The following PRKAG2 variants were observed in gnomAD, a reference collection of about 807,000 sequenced individuals.
PRKAG2 encodes 5'-AMP-activated protein kinase subunit gamma-2.
In PRKAG2, 26 loss-of-function variants were observed where a neutral mutation model predicts 69.6. That is an observed-to-expected ratio of 0.37 (90% CI 0.27 to 0.52). The LOEUF (loss-of-function observed/expected upper bound fraction) is 0.52, where lower values mean the gene tolerates loss of function less well. Among genes scored for constraint, PRKAG2 ranks in the 20% least tolerant of loss-of-function variants. PRKAG2 has a pLI of 0.90. For missense variants in PRKAG2, 557 were observed against 740.0 expected (o/e 0.75, Z 2.87); for synonymous variants, 293 against 285.0 (o/e 1.03, Z -0.28).
intron 3 of PRKAG2, among the ~76,000 whole-genome samples, chr7:151,774,080 G>A (rs2076216533): frequency 6.6e-6 from 1 of 152,150 alleles, no homozygotes; most frequent in African/African-American, 2.4e-5. Context: ...ACGGAAAAGT[G>A]GGGCATTGTT....
In PRKAG2 at chr7:151,576,353, C is replaced by T; in HGVS notation, c.946+18G>A. 1 of 1,569,156 alleles carries T rather than the reference C, an allele frequency of 6.4e-7. No homozygotes were observed. The highest frequency in any genetic ancestry group is 1.4e-5 in the African/African-American group (1 of 74,036). On this transcript the variant is annotated intron_variant, in intron 7 of 15. Transcript: ENST00000287878. ...CAAGGTTTCCATTTTCGATTTTCCT[C>T]AGGCCCACACTGCTTACCTACAAAA...
intron 3 of PRKAG2, among the ~76,000 whole-genome samples, chr7:151,682,857 G>C (rs1834090391): frequency 6.6e-6 from 1 of 152,188 alleles, no homozygotes; most frequent in South Asian, 2.1e-4. Context: ...CCCCAGGAAA[G>C]AGCTGGGCCC....
At chr7:151,724,380 G>T (rs529790097) in intron 3 of PRKAG2, among the ~76,000 whole-genome samples, 6 of 152,272 alleles carry the variant, frequency 3.9e-5, no homozygotes, top group Non-Finnish European at 8.8e-5. Flanking sequence ...CCAGGGATGG[G>T]CATCTCCACA....
At chr7:151,597,397 C>A (rs1212251918) in intron 5 of PRKAG2, among the ~76,000 whole-genome samples, 1 of 152,118 alleles carries the variant, frequency 6.6e-6, no homozygotes. Flanking sequence ...CTCAAAAGCA[C>A]ATGGAACAAA....
chr7:151,658,036 T>A lies in PRKAG2; in HGVS notation c.684+17384A>T, dbSNP rs148637451. ...AGCTGGGCATGGTGGCGCACGCATG[T>A]AGTCCCACCTACTCAGGAGGCTGAG... On this transcript the variant is annotated intron_variant, in intron 4 of 15. Transcript: ENST00000287878. 5.3e-3 allele frequency among the ~76,000 whole-genome samples: 802 copies of A among 151,854 alleles called. 13 individuals carry two copies. Among genetic ancestry groups the A allele is most frequent in the African/African-American group, 0.018 (733 of 41,386 alleles).
intron 4 of PRKAG2, among the ~76,000 whole-genome samples, chr7:151,636,179 C>T (rs1825710936): frequency 6.6e-6 from 1 of 152,126 alleles, no homozygotes; most frequent in Non-Finnish European, 1.5e-5. Context: ...ATATAATTCA[C>T]ATACCATAAA....
At chr7:151,862,674 C>T (rs1418015382) in intron 1 of PRKAG2, among the ~76,000 whole-genome samples, 3 of 152,194 alleles carry the variant, frequency 2.0e-5, no homozygotes. Flanking sequence ...CTGGATACTT[C>T]GAAAGAAAAA....
chr7:151,759,730 G>C (rs1038969544), intron 3 of PRKAG2, among the ~76,000 whole-genome samples: 1 of 152,198 alleles, frequency 6.6e-6, no homozygotes, highest in Non-Finnish European at 1.5e-5. Flanking sequence ...TCACCCCCTA[G>C]TGGTCACTCT....
At chr7:151,795,860 T>TACAC (rs1317830359) in intron 1 of PRKAG2, among the ~76,000 whole-genome samples, 2,335 of 104,472 alleles carry the variant, frequency 0.022, 125 homozygotes, top group African/African-American at 0.092. Flanking sequence ...TATATATATA[T>TACAC]ATATATATAT....
intron 3 of PRKAG2, among the ~76,000 whole-genome samples, chr7:151,749,923 C>T (rs946019792): frequency 1.3e-5 from 2 of 151,652 alleles, no homozygotes; most frequent in Non-Finnish European, 2.9e-5. Flanking sequence ...ATGGTGAAAT[C>T]CCATCTCCAC....
chr7:151,632,277 C>A lies in PRKAG2; in HGVS notation c.685-139G>T, dbSNP rs1328739340. On this transcript the variant is annotated intron_variant, in intron 4 of 15. Coordinates refer to ENST00000287878, the MANE Select transcript of PRKAG2 (RefSeq NM_016203.4). This position sits in a 1 kb window ranked among gnomAD's most constrained non-coding sequence, Gnocchi z 4.2. The stretch of plus-strand genomic sequence containing the variant: ...GGGGCCTGGCAGGGGACGCGGGCAG[C>A]GGGGGCCGGGGGCGGAGCGGGAGCG... 6 of 994,012 alleles carry A rather than the reference C, an allele frequency of 6.0e-6. No individual in the cohort carries two copies. In the East Asian group the frequency reaches 2.8e-4, roughly 46 times the overall value. The allele number at this position is 994,012 out of a possible 1,614,324, so 61.6% of individuals were successfully genotyped here. A position where few individuals can be genotyped will look rare whatever the true frequency, so the allele number is the denominator to read the frequency against.
At chr7:151,690,779 G>A (rs552606569) in intron 3 of PRKAG2, among the ~76,000 whole-genome samples, 3 of 152,204 alleles carry the variant, frequency 2.0e-5, no homozygotes, top group Non-Finnish European at 2.9e-5. Flanking sequence ...GGTTTCTAGA[G>A]TGAATCATTC....
chr7:151,747,457 T>C (rs2074354348), intron 3 of PRKAG2, among the ~76,000 whole-genome samples: 1 of 152,076 alleles, frequency 6.6e-6, no homozygotes, highest in Non-Finnish European at 1.5e-5. Flanking sequence ...CTCAGGAGGC[T>C]GAGGCAGGAG....
intron 4 of PRKAG2, among the ~76,000 whole-genome samples, chr7:151,636,978 T>G (rs543697356): frequency 6.6e-6 from 1 of 152,336 alleles, no homozygotes; most frequent in Non-Finnish European, 1.5e-5. Flanking sequence ...GTGCTGGGAT[T>G]ACAGGCATGA....
At chr7:151,557,845 C>T (rs1486645993) in intron 15 of PRKAG2, 1 of 907,514 alleles carries the variant, frequency 1.1e-6, no homozygotes, top group Non-Finnish European at 1.3e-6. Flanking sequence ...GCACTCCAGC[C>T]TGGTTGACAA....
intron 6 of PRKAG2, among the ~76,000 whole-genome samples, chr7:151,582,821 TCAGTCA>T (rs1332489208): frequency 6.6e-6 from 1 of 152,230 alleles, no homozygotes; most frequent in African/African-American, 2.4e-5. Flanking sequence ...TGGTGGCTGC[TCAGTCA>T]CTTAACCCTC....
chr7:151,861,059 A>T (rs1040857732), intron 1 of PRKAG2, among the ~76,000 whole-genome samples: 20 of 151,892 alleles, frequency 1.3e-4, no homozygotes, highest in East Asian at 1.2e-3. Context: ...AAGCCTTCTC[A>T]CTCTCAGTTA....
chr7:151,697,284 A>G (rs1282961953), intron 3 of PRKAG2, among the ~76,000 whole-genome samples: 1 of 152,114 alleles, frequency 6.6e-6, no homozygotes, highest in Non-Finnish European at 1.5e-5. Context: ...GGGTCCCAAC[A>G]GGCAGGGAGA....
At position 151,763,011 on chromosome 7, in the gene PRKAG2, G is replaced by A. The variant is rs1382481134; in HGVS notation, c.466+18141C>T. ...AGCACTAGAGATGGGCAGGGCTCCC[G>A]AGTCGTGACAGCTCTGTCCCTGCTC... On this transcript the variant is annotated intron_variant, in intron 3 of 15. Coordinates refer to ENST00000287878, the MANE Select transcript of PRKAG2 (RefSeq NM_016203.4). Among the ~76,000 whole-genome samples, 5 of 152,180 alleles carry A rather than the reference G, an allele frequency of 3.3e-5. No individual in the cohort carries two copies. The East Asian group carries it at 5.8e-4, about 18-fold the overall frequency.
Sources: allele counts gnomAD v4.1 joint callset (sites outside exome capture counted in the v4.1 genomes callset), GRCh38; gene constraint gnomAD v4.1.1; non-coding constraint Gnocchi (gnomAD v3.1); transcripts MANE v1.5; gene names NCBI Gene and HGNC (gene_info 2026-07-23, HGNC 2026-07-21).